Variants in LARGE1 observed in about 807,000 individuals in gnomAD.
LARGE1 encodes the protein xylosyl- and glucuronyltransferase LARGE1.
A neutral mutation model predicts 87.6 loss-of-function variants in LARGE1; 43 were observed. The ratio of observed to expected loss-of-function variants is 0.49; its 90% CI spans 0.38 to 0.63. LARGE1 has a LOEUF of 0.63. LARGE1 is among the 30% of genes least tolerant of loss of function. LARGE1 has a pLI of 0.00. For synonymous variants in LARGE1, 434 were observed against 394.6 expected, an observed-to-expected ratio of 1.10 and a Z score of -1.18; for missense variants, 802 against 1,000.2, an observed-to-expected ratio of 0.80 and a Z score of 2.67.
At chr22:33,594,420 A>C (rs534161433) in intron 5 of LARGE1, among the ~76,000 whole-genome samples, 16 of 152,110 alleles carry the variant, frequency 1.1e-4, no homozygotes, top group Non-Finnish European at 2.1e-4. Flanking sequence ...CTCACTCCTC[A>C]ACTCTAGCCT....
intron 1 of LARGE1, among the ~76,000 whole-genome samples, chr22:33,799,134 T>G (rs1238552501): frequency 6.6e-6 from 1 of 152,066 alleles, no homozygotes; most frequent in African/African-American, 2.4e-5. Context: ...CATGCATGGA[T>G]GGAGAGCCAG....
chr22:33,285,943 G>A (rs75366142), intron 12 of LARGE1, among the ~76,000 whole-genome samples: 2,158 of 152,296 alleles, frequency 0.014, 57 homozygotes, highest in African/African-American at 0.048. Context: ...CAGTAGAGAG[G>A]GGGTGGTTGG....
At chr22:33,116,393 C>G in the LARGE1 span, 1 of 152,218 alleles carries the variant, frequency 6.6e-6, no homozygotes, top group African/African-American at 2.4e-5. Context: ...TTTGCTCAGT[C>G]GCCCAGGCTG....
intron 11 of LARGE1, among the ~76,000 whole-genome samples, chr22:33,246,845 C>T (rs887143747): frequency 5.3e-5 from 8 of 152,058 alleles, no homozygotes; most frequent in African/African-American, 1.7e-4. Context: ...ACAAGAAAAG[C>T]CTTTTAAAAA....
intron 2 of LARGE1, among the ~76,000 whole-genome samples, chr22:33,694,648 A>G (rs1389460683): frequency 6.6e-6 from 1 of 152,202 alleles, no homozygotes; most frequent in Non-Finnish European, 1.5e-5. Context: ...AGAGTTGTCC[A>G]TGACCAAATT....
chr22:33,780,667 A>G (rs1450921445), intron 1 of LARGE1, among the ~76,000 whole-genome samples: 1 of 152,238 alleles, frequency 6.6e-6, no homozygotes, highest in Non-Finnish European at 1.5e-5. Context: ...CATCTAACAC[A>G]CAACATCTGC....
chr22:33,607,897 T>C (rs1261539167), intron 4 of LARGE1, among the ~76,000 whole-genome samples: 1 of 152,222 alleles, frequency 6.6e-6, no homozygotes, highest in Non-Finnish European at 1.5e-5. Context: ...AAATTATCTA[T>C]GCTCACCATG....
intron 3 of LARGE1, among the ~76,000 whole-genome samples, chr22:33,639,979 C>T (rs2080379369): frequency 6.6e-6 from 1 of 152,216 alleles, no homozygotes; most frequent in South Asian, 2.1e-4. Flanking sequence ...AGCTGACAGC[C>T]TTGGCATATT....
chr22:33,884,696 A>T (rs2064795371), intron 1 of LARGE1, among the ~76,000 whole-genome samples: 1 of 152,224 alleles, frequency 6.6e-6, no homozygotes, highest in Non-Finnish European at 1.5e-5. Context: ...CCAGGGAAGG[A>T]AAGCCTCCAC....
chr22:33,659,933 C>CTTA (rs1286746527), intron 2 of LARGE1, among the ~76,000 whole-genome samples: 1 of 152,012 alleles, frequency 6.6e-6, no homozygotes. Context: ...AAAATGAAGA[C>CTTA]ATTTTTAGCA....
chr22:33,827,743 T>G (rs2062842566), intron 1 of LARGE1, among the ~76,000 whole-genome samples: 1 of 152,170 alleles, frequency 6.6e-6, no homozygotes, highest in African/African-American at 2.4e-5. Flanking sequence ...AGGAAGCTAC[T>G]TCCACTGTCT....
intron 6 of LARGE1, among the ~76,000 whole-genome samples, chr22:33,449,986 A>G (rs2067845287): frequency 6.6e-6 from 1 of 151,614 alleles, no homozygotes; most frequent in African/African-American, 2.4e-5. Flanking sequence ...ATCTTGGCTC[A>G]CTGCAACCTC....
At chr22:33,572,645 T>A (rs989440314) in intron 5 of LARGE1, among the ~76,000 whole-genome samples, 29 of 151,970 alleles carry the variant, frequency 1.9e-4, no homozygotes, top group African/African-American at 7.0e-4. Flanking sequence ...GAGGCCAAGG[T>A]GGGCGGATCA....
intron 1 of LARGE1, among the ~76,000 whole-genome samples, chr22:33,850,855 C>G (rs1247064698): frequency 6.6e-6 from 1 of 151,906 alleles, no homozygotes; most frequent in Non-Finnish European, 1.5e-5. Flanking sequence ...CTCTTATGCC[C>G]CTCCCACCAC....
chr22:33,271,757 T>C (rs1461741508), downstream of LARGE1, among the ~76,000 whole-genome samples: 1 of 152,230 alleles, frequency 6.6e-6, no homozygotes, highest in Non-Finnish European at 1.5e-5. Flanking sequence ...TGCAGGCTGC[T>C]GGCTCTGCGG....
At chr22:33,541,080 T>TGGGGG (rs2077189012) in intron 6 of LARGE1, among the ~76,000 whole-genome samples, 1 of 30,134 alleles carries the variant, frequency 3.3e-5, no homozygotes. Context: ...GGGGGCGGGT[T>TGGGGG]GCAGGGGGAG....
chr22:33,625,529 C>T (rs1015689807), intron 4 of LARGE1, among the ~76,000 whole-genome samples: 2 of 152,136 alleles, frequency 1.3e-5, no homozygotes, highest in Non-Finnish European at 2.9e-5. Flanking sequence ...GTCAGAAATG[C>T]CCAAAAGTGG....
intron 10 of LARGE1, among the ~76,000 whole-genome samples, chr22:33,324,968 T>C (rs1208788866): frequency 1.3e-5 from 2 of 152,164 alleles, no homozygotes; most frequent in Non-Finnish European, 2.9e-5. Flanking sequence ...ACATCAACTC[T>C]ACAGATCAAG....
intron 7 of LARGE1, among the ~76,000 whole-genome samples, chr22:33,416,875 G>A (rs569457357): frequency 1.0e-4 from 15 of 150,124 alleles, no homozygotes; most frequent in African/African-American, 3.7e-4. Flanking sequence ...CCAAAGTGCT[G>A]GGATTACAGG....
Sources: gnomAD v4.1 joint callset for allele counts (sites outside exome capture counted in the v4.1 genomes callset) on GRCh38, gnomAD v4.1.1 for gene constraint, MANE v1.5 for transcripts, NCBI Gene and HGNC (gene_info 2026-07-23, HGNC 2026-07-21) for gene names.